RB1CC1: variants seen among roughly 807,000 people sequenced by gnomAD.
RB1CC1 encodes the protein RB1-inducible coiled-coil protein 1.
In RB1CC1, 46 loss-of-function variants were observed where a neutral mutation model predicts 177.5. The observed-to-expected ratio is 0.26, with a 90% CI of 0.20 to 0.33. The LOEUF (loss-of-function observed/expected upper bound fraction) is 0.33, where lower values mean the gene tolerates loss of function less well. RB1CC1 is among the 10% of genes least tolerant of loss of function. The probability of loss-of-function intolerance (pLI) is 1.00; values close to 1 mark genes in which losing one functional copy is unlikely to be tolerated. For synonymous variants in RB1CC1, 666 were observed against 613.6 expected, an observed-to-expected ratio of 1.09 and a Z score of -1.26; for missense variants, 1,703 against 1,816.3, an observed-to-expected ratio of 0.94 and a Z score of 1.13.
At chr8:52,697,161 C>T (rs1330808868) in intron 1 of RB1CC1, among the ~76,000 whole-genome samples, 1 of 152,112 alleles carries the variant, frequency 6.6e-6, no homozygotes, top group African/African-American at 2.4e-5. Context: ...AATCAAGCAA[C>T]TATATGTACC....
At chr8:52,640,757 A>T (rs1014402832) in intron 18 of RB1CC1, among the ~76,000 whole-genome samples, 1 of 151,868 alleles carries the variant, frequency 6.6e-6, no homozygotes, top group Non-Finnish European at 1.5e-5. Flanking sequence ...TGATTTGCTT[A>T]ACCATGTTTT....
At position 52,660,997 on chromosome 8, in the gene RB1CC1, G is replaced by C. The variant is rs1304206297; in HGVS notation, c.1556C>G (p.Ala519Gly). ...FIKHYREWAG[A>G]LVKDGKRLYE... ...TAATCTCTTTCCATCTTTGACTAAAGCACCAGCCCACTAGAAGAGGAAAGC... is the reference window on the plus strand; with the variant it reads ...TAATCTCTTTCCATCTTTGACTAAACCACCAGCCCACTAGAAGAGGAAAGC... The change falls in exon 11 of 24, where the codon GCT becomes GGT. Residue 519 changes from alanine (A) to glycine (G), a missense_variant. Coordinates refer to ENST00000025008, the MANE Select transcript of RB1CC1 (RefSeq NM_014781.5). 1 of 1,613,284 alleles carries C rather than the reference G, an allele frequency of 6.2e-7. No homozygotes were observed. The highest frequency in any genetic ancestry group is 8.5e-7 in the Non-Finnish European group (1 of 1,179,668).
chr8:52,689,103 T>C (rs1854573006), intron 1 of RB1CC1, among the ~76,000 whole-genome samples: 1 of 152,182 alleles, frequency 6.6e-6, no homozygotes, highest in African/African-American at 2.4e-5. Flanking sequence ...ATCTATCCAA[T>C]CCCTCTGAAA....
intron 18 of RB1CC1, among the ~76,000 whole-genome samples, chr8:52,638,536 A>G (rs181463915): frequency 1.0e-3 from 153 of 152,222 alleles, no homozygotes; most frequent in Admixed American, 4.4e-3. Context: ...AACTGGCATT[A>G]TTTAAAAGTT....
intron 1 of RB1CC1, among the ~76,000 whole-genome samples, chr8:52,693,363 A>C (rs923342227): frequency 6.6e-6 from 1 of 152,358 alleles, no homozygotes. Flanking sequence ...AAATTTTTGC[A>C]ATCTATCCAT....
At chr8:52,701,900 G>A (rs1404801259) in intron 1 of RB1CC1, among the ~76,000 whole-genome samples, 5 of 151,728 alleles carry the variant, frequency 3.3e-5, no homozygotes, top group South Asian at 2.1e-4. Context: ...TCCGCCTCCC[G>A]GGTTCAAGCA....
intron 1 of RB1CC1, among the ~76,000 whole-genome samples, chr8:52,691,938 T>C (rs1174990641): frequency 6.6e-6 from 1 of 152,262 alleles, no homozygotes; most frequent in East Asian, 1.9e-4. Context: ...CTAATACTTA[T>C]TGAGTTATTC....
chr8:52,686,790 C>A, intron 2 of RB1CC1, 63 bp downstream of exon 2: 3 of 333,344 alleles, frequency 9.0e-6, no homozygotes, highest in East Asian at 8.8e-5. Flanking sequence ...TTAAGATTTC[C>A]AGAATCATTA....
intron 1 of RB1CC1, among the ~76,000 whole-genome samples, chr8:52,697,218 A>G (rs1480084298): frequency 6.6e-6 from 1 of 152,058 alleles, no homozygotes; most frequent in Non-Finnish European, 1.5e-5. Context: ...GAAAAAGACA[A>G]ACATTATGAT....
Position 52,624,798 on chromosome 8 carries a change from T to G in RB1CC1, c.4637-11A>C, listed in dbSNP as rs1204790505. On this transcript the variant is annotated splice_polypyrimidine_tract_variant and intron_variant, in intron 22 of 23. Transcript: ENST00000025008. ...TAGATGCACCTGAAGCTAATGAAAT[T>G]AAATAGTTAATCTCTTTTTGAAAGT... is the stretch of plus-strand genomic sequence containing the variant. 6.7e-7 allele frequency: 1 copy of G among 1,485,730 alleles called. No homozygotes were observed. The allele number at this position is 1,485,730 out of a possible 1,614,324, so 92.0% of individuals were successfully genotyped here. A position where few individuals can be genotyped will look rare whatever the true frequency, so the allele number is the denominator to read the frequency against.
At position 52,714,295 on chromosome 8, in the gene RB1CC1, C is replaced by A; in HGVS notation, c.-387G>T. 5.6e-6 allele frequency: 1 copy of A among 178,258 alleles called. No homozygotes were observed. The highest frequency in any genetic ancestry group is 7.7e-5 in the South Asian group (1 of 12,950). The allele number at this position is 178,258 out of a possible 1,614,324, so 11.0% of individuals were successfully genotyped here. On this transcript the variant is annotated 5_prime_UTR_variant, in exon 1 of 24. Transcript: ENST00000025008. The stretch of plus-strand genomic sequence containing the variant: ...ACAAGGACGCGAGCAGGCCCCTCGG[C>A]TCTGGGTCTGGGGCCGGGGGACAGA...
intron 8 of RB1CC1, among the ~76,000 whole-genome samples, chr8:52,664,048 G>A (rs1462828650): frequency 6.6e-6 from 1 of 152,202 alleles, no homozygotes; most frequent in Non-Finnish European, 1.5e-5. Flanking sequence ...GATCAGGAAA[G>A]TTTGGCTGAG....
chr8:52,648,510 T>C (rs1481238378), intron 15 of RB1CC1, among the ~76,000 whole-genome samples: 1 of 152,152 alleles, frequency 6.6e-6, no homozygotes, highest in Non-Finnish European at 1.5e-5. Flanking sequence ...AGCAAGAAGC[T>C]GTGTAGAGGG....
intron 6 of RB1CC1, among the ~76,000 whole-genome samples, chr8:52,675,620 C>A (rs763537703): frequency 6.6e-6 from 1 of 150,912 alleles, no homozygotes; most frequent in East Asian, 2.0e-4. Flanking sequence ...CCTGTAATCC[C>A]GGCACTTTGG....
chr8:52,624,472 T>C (rs1196200183), intron 23 of RB1CC1, among the ~76,000 whole-genome samples: 2 of 151,964 alleles, frequency 1.3e-5, no homozygotes, highest in African/African-American at 2.4e-5. Context: ...CCAACAGTCA[T>C]AGAACACAGA....
In RB1CC1 at chr8:52,627,843, C is replaced by T. The variant is rs372346282; in HGVS notation, c.4636+189G>A. Among the ~76,000 whole-genome samples the T allele has an allele frequency of 1.7e-3, 257 of 152,202 alleles. No homozygotes were observed. The Middle Eastern group carries it at 0.041, about 24-fold the overall frequency. On this transcript the variant is annotated intron_variant, in intron 22 of 23. Coordinates refer to ENST00000025008, the MANE Select transcript of RB1CC1 (RefSeq NM_014781.5). ...CTGGTCCCTTGTATAAGCTACACTC[C>T]TTAATTCTGAATTGTAAATGGAATC...
chr8:52,627,498 T>C (rs1311089652), intron 22 of RB1CC1, among the ~76,000 whole-genome samples: 2 of 152,232 alleles, frequency 1.3e-5, no homozygotes, highest in African/African-American at 4.8e-5. Flanking sequence ...AGGATATCTA[T>C]TCTGTTCTTT....
rs138813243 is a variant in RB1CC1, at chr8:52,673,923, C to T, written c.924G>A (p.Leu308=). The T allele has an allele frequency of 2.5e-6, 4 of 1,613,980 alleles. No individual in the cohort carries two copies. The African/African-American group carries it at 5.3e-5, about 22-fold the overall frequency. Residue 308 remains leucine, a synonymous_variant, in exon 7 of 24, where the codon TTG becomes TTA. Coordinates refer to ENST00000025008, the MANE Select transcript of RB1CC1 (RefSeq NM_014781.5). ...TATCTTGAACATTTATCCAGTCTAACAAAGAGACATTAAAAAAGGGCAGAT... is the reference window on the plus strand; with the variant it reads ...TATCTTGAACATTTATCCAGTCTAATAAAGAGACATTAAAAAAGGGCAGAT... ...DGDLPFFNVS[L]LDWINVQDRP...
chr8:52,667,964 A>C (rs758247642), intron 8 of RB1CC1, 57 bp downstream of exon 8: 105 of 1,535,760 alleles, frequency 6.8e-5, no homozygotes, highest in Non-Finnish European at 8.9e-5. Context: ...TGCATATAAA[A>C]CATGTGTACA....
Sources: gnomAD v4.1 joint callset for allele counts (sites outside exome capture counted in the v4.1 genomes callset) on GRCh38, gnomAD v4.1.1 for gene constraint, MANE v1.5 for transcripts, NCBI Gene and HGNC (gene_info 2026-07-23, HGNC 2026-07-21) for gene names.